ITSN2: variants seen among roughly 807,000 people sequenced by gnomAD.
The protein encoded by ITSN2 is intersectin 2, also known as intersectin-2.
A neutral mutation model predicts 243.7 loss-of-function variants in ITSN2; 156 were observed. That is an observed-to-expected ratio of 0.64 (90% CI 0.56 to 0.73). The LOEUF is 0.73. ITSN2 is among the 30% of genes least tolerant of loss of function. The pLI, the probability that ITSN2 is intolerant of heterozygous loss-of-function variation, is 0.00. For missense variants in ITSN2, 1,801 were observed against 1,996.1 expected, an observed-to-expected ratio of 0.90 and a Z score of 1.86; for synonymous variants, 703 against 699.9, an observed-to-expected ratio of 1.00 and a Z score of -0.07.
chr2:24,349,412 C>T (rs1687838375), intron 1 of ITSN2, among the ~76,000 whole-genome samples: 1 of 152,066 alleles, frequency 6.6e-6, no homozygotes, highest in East Asian at 1.9e-4. Context: ...TTATTTTAAT[C>T]TGATAAAACC....
chr2:24,288,168 T>A (rs941634225), intron 15 of ITSN2, among the ~76,000 whole-genome samples: 1 of 152,118 alleles, frequency 6.6e-6, no homozygotes, highest in Non-Finnish European at 1.5e-5. Flanking sequence ...TCATGTCTTA[T>A]GTTTAATCCA....
At chr2:24,338,771 T>C (rs1338067950) in intron 1 of ITSN2, among the ~76,000 whole-genome samples, 4 of 151,760 alleles carry the variant, frequency 2.6e-5, no homozygotes, top group African/African-American at 9.7e-5. Context: ...GCAGGAGGAT[T>C]GATGAGGCCA....
chr2:24,320,020 C>A (rs1294108268), intron 2 of ITSN2, among the ~76,000 whole-genome samples: 1 of 152,160 alleles, frequency 6.6e-6, no homozygotes, highest in Non-Finnish European at 1.5e-5. Context: ...AAAGTGTGTG[C>A]AATTATGAAT....
At chr2:24,266,978 C>T (rs1676730755) in intron 20 of ITSN2, among the ~76,000 whole-genome samples, 1 of 151,802 alleles carries the variant, frequency 6.6e-6, no homozygotes, top group Admixed American at 6.6e-5. Context: ...TAAGCCAGAG[C>T]AATATAAATT....
chr2:24,287,348 TC>T (rs1426722612), intron 15 of ITSN2, among the ~76,000 whole-genome samples: 1 of 152,102 alleles, frequency 6.6e-6, no homozygotes, highest in African/African-American at 2.4e-5. Flanking sequence ...AACCCACTGA[TC>T]AACATCTACC....
intron 29 of ITSN2, among the ~76,000 whole-genome samples, chr2:24,226,535 AATCCAAGCACTTTGGGAG>A: frequency 6.6e-6 from 1 of 152,234 alleles, no homozygotes; most frequent in Non-Finnish European, 1.5e-5. Context: ...TCACACCTGT[AATCCAAGCACTTTGGGAG>A]GCCGAGGTGG....
At chr2:24,236,043 T>C (rs1383102067) in intron 29 of ITSN2, among the ~76,000 whole-genome samples, 2 of 152,208 alleles carry the variant, frequency 1.3e-5, no homozygotes, top group African/African-American at 2.4e-5. Context: ...CAAAAACTTG[T>C]AGACAAATGT....
At chr2:24,273,470 T>C (rs1356366868) in intron 18 of ITSN2, 2 of 152,320 alleles carry the variant, frequency 1.3e-5, no homozygotes, top group Admixed American at 1.3e-4. Flanking sequence ...TTTTATAGCA[T>C]TATAAATATC....
intron 1 of ITSN2, chr2:24,330,393 G>C: frequency 1.7e-6 from 1 of 581,456 alleles, no homozygotes. Context: ...TGCCACCGTT[G>C]CCACCACCAT....
In ITSN2 at chr2:24,249,204, C is replaced by T. The variant is rs1427736959; in HGVS notation, c.3121-322G>A. On this transcript the variant is annotated intron_variant, in intron 25 of 39. Transcript: ENST00000355123. This position sits in a 1 kb window ranked among gnomAD's most constrained non-coding sequence, Gnocchi z 4.4. ...CCAAATGCACTCCATTTATCAATGGCGTTAGCACCAATGCCCACTATGCAC... is the reference window on the plus strand; with the variant it reads ...CCAAATGCACTCCATTTATCAATGGTGTTAGCACCAATGCCCACTATGCAC... 2.0e-5 allele frequency among the ~76,000 whole-genome samples: 3 copies of T among 152,208 alleles called. No individual in the cohort carries two copies. Among genetic ancestry groups the T allele is most frequent in the Admixed American group, 6.5e-5 (1 of 15,288 alleles).
intron 17 of ITSN2, among the ~76,000 whole-genome samples, chr2:24,281,997 G>A (rs1330146361): frequency 6.6e-6 from 1 of 152,190 alleles, no homozygotes; most frequent in East Asian, 1.9e-4. Context: ...AGTGGGCCAG[G>A]GAAGTACTGG....
chr2:24,263,988 T>C (rs985450859), intron 20 of ITSN2, among the ~76,000 whole-genome samples: 1 of 152,202 alleles, frequency 6.6e-6, no homozygotes, highest in African/African-American at 2.4e-5. Context: ...GAGATATAAT[T>C]CACATTCCAC....
chr2:24,248,690 G>A lies in ITSN2; in HGVS notation c.3227C>T (p.Pro1076Leu). Reference protein sequence around the residue: ...ASGSEQLSLAPGQLILILKKN... With the variant: ...ASGSEQLSLALGQLILILKKN... The stretch of plus-strand genomic sequence containing the variant: ...CTTTAGAATTAATATTAACTGTCCT[G>A]GTGCAAGGCTAAGTTGTTCAGAACC... Residue 1076 changes from proline to leucine, a missense_variant, in exon 27 of 40, where the codon CCA (proline) becomes CTA (leucine). By Grantham distance (98) the Pro-to-Leu change is moderately conservative (BLOSUM62 -3). This residue lies in a region of ITSN2 where 928 missense variants were observed against 1,065.4 expected (regional missense o/e 0.87). Coordinates refer to ENST00000355123, the MANE Select transcript of ITSN2 (RefSeq NM_006277.3). 6.2e-7 allele frequency: 1 copy of A among 1,612,626 alleles called. No individual in the cohort carries two copies. The highest frequency in any genetic ancestry group is 1.1e-5 in the South Asian group (1 of 90,984).
At chr2:24,266,144 A>G (rs908386698) in intron 20 of ITSN2, among the ~76,000 whole-genome samples, 2 of 152,176 alleles carry the variant, frequency 1.3e-5, no homozygotes, top group African/African-American at 4.8e-5. Flanking sequence ...ATGTTCCCCA[A>G]TTCTATTTGG....
rs377235423 is a variant in ITSN2, at chr2:24,248,864, T to C, written c.3139A>G (p.Lys1047Glu). 1.9e-6 allele frequency: 3 copies of C among 1,613,646 alleles called. No homozygotes were observed. Among genetic ancestry groups the C allele is most frequent in the Non-Finnish European group, 2.5e-6 (3 of 1,179,746 alleles). The change falls in exon 26 of 40, where the codon AAG becomes GAG. Residue 1047 changes from lysine to glutamate, a missense_variant. Physicochemically the swap from Lys to Glu is moderately conservative, Grantham distance 56. This residue lies in a region of ITSN2 where 928 missense variants were observed against 1,065.4 expected (regional missense o/e 0.87). Coordinates refer to ENST00000355123, the MANE Select transcript of ITSN2 (RefSeq NM_006277.3). ...KDQESFGSAS[K>E]SGASNKKPEI... ...GGTTTTTTATTTGATGCTCCAGACTTGCTAGCACTCCCAAAACTCTACAAG... is the reference window on the plus strand; with the variant it reads ...GGTTTTTTATTTGATGCTCCAGACTCGCTAGCACTCCCAAAACTCTACAAG...
intron 1 of ITSN2, among the ~76,000 whole-genome samples, chr2:24,358,127 T>C (rs1688620643): frequency 6.6e-6 from 1 of 152,186 alleles, no homozygotes; most frequent in Non-Finnish European, 1.5e-5. Context: ...TATTGGTCAG[T>C]CTCAAACTCC....
intron 30 of ITSN2, 136 bp downstream of exon 30, chr2:24,220,809 C>T: frequency 7.0e-7 from 1 of 1,438,834 alleles, no homozygotes; most frequent in South Asian, 1.6e-5. Flanking sequence ...GAGCTTCCGT[C>T]ACTATTTGTG....
At chr2:24,241,933 CA>C (rs1672776399) in intron 29 of ITSN2, 1 of 152,456 alleles carries the variant, frequency 6.6e-6, no homozygotes, top group Non-Finnish European at 1.5e-5. Flanking sequence ...CTACAATTAT[CA>C]AATTAAAAAA....
At chr2:24,315,855 T>C (rs148173579) in intron 2 of ITSN2, among the ~76,000 whole-genome samples, 1 of 152,250 alleles carries the variant, frequency 6.6e-6, no homozygotes, top group African/African-American at 2.4e-5. Context: ...TCTCCAGCCA[T>C]GTGGAACTGT....
Sources: gnomAD v4.1 joint callset for allele counts (sites outside exome capture counted in the v4.1 genomes callset) on GRCh38, gnomAD v4.1.1 for gene constraint, gnomAD v4.1.1 regional missense constraint, Gnocchi (gnomAD v3.1) non-coding constraint, MANE v1.5 for transcripts, NCBI Gene and HGNC (gene_info 2026-07-23, HGNC 2026-07-21) for gene names.